LRBA: variants seen among roughly 807,000 people sequenced by gnomAD.
LRBA encodes the protein lipopolysaccharide-responsive and beige-like anchor protein.
In LRBA, 176 loss-of-function variants were observed where a neutral mutation model predicts 330.0. The ratio of observed to expected loss-of-function variants is 0.53; its 90% CI spans 0.47 to 0.60. The LOEUF is 0.60. Ranked by LOEUF, LRBA falls within the 20% of genes least tolerant of loss-of-function variation. LRBA has a pLI of 0.00. For missense variants in LRBA, 3,259 were observed against 3,444.8 expected, an observed-to-expected ratio of 0.95 and a Z score of 1.35; for synonymous variants, 1,230 against 1,193.0, an observed-to-expected ratio of 1.03 and a Z score of -0.64.
intron 40 of LRBA, among the ~76,000 whole-genome samples, chr4:150,495,425 GT>G (rs969088714): frequency 6.6e-6 from 1 of 151,968 alleles, no homozygotes; most frequent in African/African-American, 2.4e-5. Context: ...ATTGTCAAAG[GT>G]GTCAAAAATT....
intron 46 of LRBA, 109 bp from the exon 47 acceptor site, chr4:150,415,699 C>T: frequency 1.5e-6 from 1 of 671,610 alleles, no homozygotes. Context: ...AAAATAAACA[C>T]AGGGAATTTT....
intron 31 of LRBA, among the ~76,000 whole-genome samples, chr4:150,815,983 T>C (rs1255965400): frequency 6.6e-6 from 1 of 151,814 alleles, no homozygotes; most frequent in Non-Finnish European, 1.5e-5. Context: ...ACAAGCACAA[T>C]AACAAATAAA....
At chr4:150,344,864 T>C (rs1343618335) in intron 48 of LRBA, among the ~76,000 whole-genome samples, 3 of 152,204 alleles carry the variant, frequency 2.0e-5, no homozygotes, top group East Asian at 1.9e-4. Context: ...AATTATGTTT[T>C]ATGGTATTGA....
rs575613671 is a variant in LRBA, at chr4:150,695,458, G to A, written c.5755-11741C>T. On this transcript the variant is annotated intron_variant, in intron 36 of 56. Transcript: ENST00000651943. ...CCATTTCAGCCTCATGAGTAACTGG[G>A]ACTACATGCACACATCACCATGCCC... Among the ~76,000 whole-genome samples, 67 of 152,170 alleles carry A rather than the reference G, an allele frequency of 4.4e-4. No homozygotes were observed. The Middle Eastern group carries it at 0.017, about 39-fold the overall frequency.
chr4:150,967,272 T>A (rs1739011229), intron 2 of LRBA, among the ~76,000 whole-genome samples: 1 of 152,184 alleles, frequency 6.6e-6, no homozygotes, highest in Non-Finnish European at 1.5e-5. Flanking sequence ...TCTCATCACC[T>A]ACAGAATAAA....
chr4:150,801,957 G>T (rs1309255859), intron 33 of LRBA, among the ~76,000 whole-genome samples: 5 of 151,162 alleles, frequency 3.3e-5, no homozygotes, highest in Admixed American at 3.3e-4. Context: ...GATCACTTGA[G>T]GCCAGAAGTT....
chr4:150,681,827 T>C (rs1379627131), intron 37 of LRBA, among the ~76,000 whole-genome samples: 1 of 152,190 alleles, frequency 6.6e-6, no homozygotes, highest in Non-Finnish European at 1.5e-5. Flanking sequence ...TAATGAATAA[T>C]AGAGTTGATA....
intron 48 of LRBA, among the ~76,000 whole-genome samples, chr4:150,343,980 C>T (rs1735931241): frequency 6.6e-6 from 1 of 152,140 alleles, no homozygotes; most frequent in African/African-American, 2.4e-5. Context: ...AGATGAGGCC[C>T]TATTGTTCCC....
chr4:150,613,703 T>C (rs1302867567), intron 37 of LRBA, among the ~76,000 whole-genome samples: 2 of 152,220 alleles, frequency 1.3e-5, no homozygotes, highest in African/African-American at 4.8e-5. Flanking sequence ...CACATCAGAC[T>C]TGATGTACAG....
chr4:150,445,432 T>C (rs1330305152), intron 44 of LRBA, among the ~76,000 whole-genome samples: 1 of 148,136 alleles, frequency 6.8e-6, no homozygotes, highest in African/African-American at 2.5e-5. Flanking sequence ...CACACACATA[T>C]ATATATGTTG....
rs532525099 is a variant in LRBA, at chr4:150,465,981, G to C, written c.6780+1692C>G. On this transcript the variant is annotated intron_variant, in intron 44 of 56. Transcript: ENST00000651943. ...TGAAATGTATTATAACAAGTATATG[G>C]AAAGTACCCTGGGAGTTCAAATTTC... Among the ~76,000 whole-genome samples the C allele has an allele frequency of 3.9e-5, 6 of 152,026 alleles. No individual in the cohort carries two copies. In the South Asian group the frequency reaches 1.2e-3, roughly 32 times the overall value.
chr4:150,504,259 T>C (rs1247367847), intron 40 of LRBA, among the ~76,000 whole-genome samples: 1 of 152,034 alleles, frequency 6.6e-6, no homozygotes, highest in African/African-American at 2.4e-5. Context: ...AAGATACTCC[T>C]CGAGAAGAGC....
At position 150,908,655 on chromosome 4, in the gene LRBA, A is replaced by T. The variant is rs973940408; in HGVS notation, c.1359+5T>A. Reference sequence around the variant, plus strand: ...TAAATGTTCTTAAAAGATCACAGTTAGTACCTGGAGCATGAGTGCATGTGG... The same window carrying T: ...TAAATGTTCTTAAAAGATCACAGTTTGTACCTGGAGCATGAGTGCATGTGG... On this transcript the variant is annotated splice_donor_5th_base_variant and intron_variant, in intron 10 of 56. Coordinates refer to ENST00000651943, the MANE Select transcript of LRBA (RefSeq NM_001364905.1). 1 of 1,607,830 alleles carries T rather than the reference A, an allele frequency of 6.2e-7. No individual in the cohort carries two copies.
intron 40 of LRBA, among the ~76,000 whole-genome samples, chr4:150,532,174 C>T (rs1764118905): frequency 6.6e-6 from 1 of 152,170 alleles, no homozygotes; most frequent in Admixed American, 6.6e-5. Flanking sequence ...TTTTATACCA[C>T]TTCATTTTAG....
At chr4:150,650,440 A>AT (rs1283131472) in intron 37 of LRBA, among the ~76,000 whole-genome samples, 1 of 152,176 alleles carries the variant, frequency 6.6e-6, no homozygotes, top group Non-Finnish European at 1.5e-5. Context: ...TTTGGAATGA[A>AT]TATTTGTTTC....
At chr4:150,402,928 T>G (rs1745700252) in intron 47 of LRBA, among the ~76,000 whole-genome samples, 1 of 151,344 alleles carries the variant, frequency 6.6e-6, no homozygotes. Context: ...TTTTTGGAGG[T>G]GGGTGGGAAG....
chr4:150,504,757 T>G (rs562918520), intron 40 of LRBA, among the ~76,000 whole-genome samples: 1 of 152,144 alleles, frequency 6.6e-6, no homozygotes, highest in African/African-American at 2.4e-5. Flanking sequence ...TAACTTTGAA[T>G]GTAAATGGGC....
chr4:150,546,609 T>C (rs917790183), intron 40 of LRBA, among the ~76,000 whole-genome samples: 30 of 152,220 alleles, frequency 2.0e-4, no homozygotes, highest in African/African-American at 5.5e-4. Context: ...TTGGGGTTAA[T>C]TGGAAGATAA....
chr4:150,446,428 T>A (rs1752623034), intron 44 of LRBA, among the ~76,000 whole-genome samples: 1 of 152,200 alleles, frequency 6.6e-6, no homozygotes, highest in African/African-American at 2.4e-5. Flanking sequence ...ATAATTCTCA[T>A]GACTTAAGAA....
Sources: allele counts gnomAD v4.1 joint callset (sites outside exome capture counted in the v4.1 genomes callset), GRCh38; gene constraint gnomAD v4.1.1; transcripts MANE v1.5; gene names NCBI Gene and HGNC (gene_info 2026-07-23, HGNC 2026-07-21).